ANK3: variants seen among roughly 807,000 people sequenced by gnomAD.
The protein encoded by ANK3 is ankyrin-3.
A neutral mutation model predicts 370.9 loss-of-function variants in ANK3; 57 were observed. The observed-to-expected ratio is 0.15, with a 90% CI of 0.12 to 0.19. The LOEUF (loss-of-function observed/expected upper bound fraction) is 0.19, where lower values mean the gene tolerates loss of function less well. ANK3 is among the 10% of genes least tolerant of loss of function. The probability of loss-of-function intolerance (pLI) is 1.00; values close to 1 mark genes in which losing one functional copy is unlikely to be tolerated. For synonymous variants in ANK3, 1,929 were observed against 1,946.3 expected (o/e 0.99, Z 0.23); for missense variants, 4,439 against 5,302.1 (o/e 0.84, Z 5.06).
At chr10:60,670,468 A>G (rs2079051822) in intron 1 of ANK3, among the ~76,000 whole-genome samples, 1 of 152,108 alleles carries the variant, frequency 6.6e-6, no homozygotes, top group African/African-American at 2.4e-5. Flanking sequence ...ACTCGGTTCC[A>G]AACCACCACC....
intron 35 of ANK3, chr10:60,081,349 G>A: frequency 4.0e-6 from 1 of 249,552 alleles, no homozygotes; most frequent in East Asian, 1.1e-4. Context: ...CCCCGCCTCG[G>A]CCTCCCAAAG....
chr10:60,235,596 T>C (rs1376487363), intron 7 of ANK3, among the ~76,000 whole-genome samples: 1 of 145,520 alleles, frequency 6.9e-6, no homozygotes, highest in Non-Finnish European at 1.5e-5. Context: ...TGACAGAGTC[T>C]CGTTATATTG....
chr10:60,265,141 A>G (rs190109826), intron 5 of ANK3, among the ~76,000 whole-genome samples: 1,619 of 152,244 alleles, frequency 0.011, 12 homozygotes, highest in Non-Finnish European at 0.019. Context: ...AGCAATTTTG[A>G]TATGTACAAT....
chr10:60,273,063 C>G (rs1026436033), intron 4 of ANK3, among the ~76,000 whole-genome samples: 1 of 152,154 alleles, frequency 6.6e-6, no homozygotes, highest in African/African-American at 2.4e-5. Flanking sequence ...CCGGGAGTTT[C>G]TCAAGAGTTA....
chr10:60,606,033 C>A (rs979648136), intron 2 of ANK3, among the ~76,000 whole-genome samples: 2 of 151,956 alleles, frequency 1.3e-5, no homozygotes, highest in African/African-American at 4.8e-5. Context: ...TAAAGAAGTT[C>A]TTGGAAAAAA....
At chr10:60,176,811 C>T (rs1229857826) in intron 18 of ANK3, among the ~76,000 whole-genome samples, 2 of 151,784 alleles carry the variant, frequency 1.3e-5, no homozygotes, top group African/African-American at 4.8e-5. Flanking sequence ...CAAAAAAAAC[C>T]AAGTAATTTT....
intron 25 of ANK3, among the ~76,000 whole-genome samples, chr10:60,124,723 A>G (rs895856568): frequency 4.9e-4 from 74 of 152,254 alleles, no homozygotes; most frequent in African/African-American, 1.4e-3. Flanking sequence ...GAGTGGCACT[A>G]TTGCCTAGTG....
At chr10:60,144,106 C>A (rs2094697871) in intron 23 of ANK3, 1 of 331,024 alleles carries the variant, frequency 3.0e-6, no homozygotes, top group Non-Finnish European at 5.8e-6. Flanking sequence ...CTGCTGACTG[C>A]AATCTCATAA....
chr10:60,512,267 A>G (rs2076104835), intron 2 of ANK3, among the ~76,000 whole-genome samples: 1 of 152,146 alleles, frequency 6.6e-6, no homozygotes, highest in African/African-American at 2.4e-5. Context: ...GTCTTAGTGC[A>G]GTCACTAAAA....
intron 1 of ANK3, among the ~76,000 whole-genome samples, chr10:60,336,846 C>A (rs2053077615): frequency 6.6e-6 from 1 of 152,086 alleles, no homozygotes; most frequent in South Asian, 2.1e-4. Context: ...AATGTTTAGA[C>A]AAAGAGAAGG....
chr10:60,292,610 T>A (rs1010411915), intron 1 of ANK3, among the ~76,000 whole-genome samples: 27 of 152,160 alleles, frequency 1.8e-4, no homozygotes, highest in African/African-American at 6.5e-4. Context: ...GTGTTCTAGA[T>A]GCCAGCCTTC....
chr10:60,059,919 C>G, intron 40 of ANK3: 1 of 1,614,082 alleles, frequency 6.2e-7, no homozygotes, highest in Admixed American at 1.7e-5. Context: ...AGAGATATCA[C>G]TAAAATAATC....
chr10:60,278,895 T>C (rs1344464833), intron 3 of ANK3, 23 bp from the exon 4 acceptor site: 8 of 1,606,426 alleles, frequency 5.0e-6, no homozygotes, highest in South Asian at 1.1e-5. Flanking sequence ...AGTCAAGATA[T>C]ATCAACTCAT....
chr10:60,194,537 A>G (rs925301500), intron 16 of ANK3, among the ~76,000 whole-genome samples: 1 of 152,226 alleles, frequency 6.6e-6, no homozygotes, highest in South Asian at 2.1e-4. Flanking sequence ...ACTTAGCACA[A>G]TGTCTTCAAG....
chr10:60,049,402 C>A (rs1384529626), intron 42 of ANK3, among the ~76,000 whole-genome samples: 1 of 152,168 alleles, frequency 6.6e-6, no homozygotes, highest in Non-Finnish European at 1.5e-5. Context: ...TCATGGCCAA[C>A]ATGGTGAAAC....
chr10:60,721,419 A>G (rs1425746323), intron 1 of ANK3, among the ~76,000 whole-genome samples: 1 of 152,246 alleles, frequency 6.6e-6, no homozygotes, highest in African/African-American at 2.4e-5. Flanking sequence ...GATGTTTCAC[A>G]AAAATAAAGA....
chr10:60,396,540 T>A (rs1211367827), intron 2 of ANK3, among the ~76,000 whole-genome samples: 2 of 152,204 alleles, frequency 1.3e-5, no homozygotes, highest in Non-Finnish European at 2.9e-5. Context: ...TATTAACTTA[T>A]AGCTTAATAA....
chr10:60,585,765 C>T (rs758668413), intron 2 of ANK3, among the ~76,000 whole-genome samples: 16 of 152,044 alleles, frequency 1.1e-4, no homozygotes, highest in Admixed American at 2.0e-4. Flanking sequence ...GGCTCACGTA[C>T]GTAATCCCAG....
chr10:60,480,342 A>G (rs2075179364), intron 2 of ANK3, among the ~76,000 whole-genome samples: 3 of 152,160 alleles, frequency 2.0e-5, no homozygotes, highest in Admixed American at 2.0e-4. Context: ...CTTACGGAAA[A>G]AATATCTTGA....
Sources: allele counts gnomAD v4.1 joint callset (sites outside exome capture counted in the v4.1 genomes callset), GRCh38; gene constraint gnomAD v4.1.1; transcripts MANE v1.5; gene names NCBI Gene and HGNC (gene_info 2026-07-23, HGNC 2026-07-21).